COBL: variants seen among roughly 807,000 people sequenced by gnomAD.
COBL encodes the protein cordon-bleu WH2 repeat protein, also known as protein cordon-bleu.
Under a neutral mutation model 98.8 loss-of-function variants are expected in COBL, and 51 were observed. That is an observed-to-expected ratio of 0.52 (90% CI 0.41 to 0.65). The LOEUF is 0.65. Among genes scored for constraint, COBL ranks in the 30% least tolerant of loss-of-function variants. COBL has a pLI of 0.00. For synonymous variants in COBL, 634 were observed against 651.7 expected (o/e 0.97, Z 0.41); for missense variants, 1,617 against 1,617.5 (o/e 1.00, Z 0.01).
intron 7 of COBL, among the ~76,000 whole-genome samples, chr7:51,063,657 G>A (rs1311855466): frequency 1.3e-5 from 2 of 152,224 alleles, no homozygotes; most frequent in East Asian, 3.9e-4. Flanking sequence ...ACATGTGCCT[G>A]CAAGAAGCAG....
intron 6 of COBL, among the ~76,000 whole-genome samples, chr7:51,088,079 CA>C (rs549017809): frequency 1.1e-4 from 16 of 152,048 alleles, no homozygotes; most frequent in Non-Finnish European, 2.2e-4. Context: ...TCTGCAGGCT[CA>C]GGGGCTTCTG....
At chr7:51,282,573 A>G (rs1799904744) in intron 1 of COBL, among the ~76,000 whole-genome samples, 1 of 152,112 alleles carries the variant, frequency 6.6e-6, no homozygotes, top group South Asian at 2.1e-4. Context: ...TAGATACAAC[A>G]ACAATGAAAT....
intron 1 of COBL, among the ~76,000 whole-genome samples, chr7:51,277,189 A>C (rs1307523829): frequency 6.6e-6 from 1 of 152,204 alleles, no homozygotes; most frequent in Non-Finnish European, 1.5e-5. Flanking sequence ...ACACATGCGC[A>C]GGGACCCAAG....
At chr7:51,285,038 C>T (rs959959139) in intron 1 of COBL, among the ~76,000 whole-genome samples, 1 of 151,304 alleles carries the variant, frequency 6.6e-6, no homozygotes, top group Admixed American at 6.6e-5. Flanking sequence ...ACCTCTACCT[C>T]CTGGTTTTAA....
intron 1 of COBL, among the ~76,000 whole-genome samples, chr7:51,281,072 C>A (rs558949070): frequency 1.3e-5 from 2 of 151,652 alleles, no homozygotes; most frequent in Non-Finnish European, 2.9e-5. Flanking sequence ...AGGGCAAGAA[C>A]GCTTGAAATG....
At chr7:51,234,993 T>C (rs1795109560) in intron 1 of COBL, among the ~76,000 whole-genome samples, 1 of 152,006 alleles carries the variant, frequency 6.6e-6, no homozygotes, top group Non-Finnish European at 1.5e-5. Context: ...GCTATTCCAC[T>C]CCAAAAGTTC....
intron 1 of COBL, among the ~76,000 whole-genome samples, chr7:51,237,375 T>C (rs1795355483): frequency 1.3e-5 from 2 of 152,210 alleles, no homozygotes; most frequent in African/African-American, 2.4e-5. Context: ...TTTTGTTTCC[T>C]ATGTTGAAAA....
chr7:51,276,367 G>A (rs1261614208), intron 1 of COBL, among the ~76,000 whole-genome samples: 1 of 152,176 alleles, frequency 6.6e-6, no homozygotes, highest in Non-Finnish European at 1.5e-5. Flanking sequence ...TGGGAAAGGC[G>A]AATGGAACCT....
chr7:51,222,923 C>T (rs1793792107), intron 1 of COBL, among the ~76,000 whole-genome samples: 1 of 152,184 alleles, frequency 6.6e-6, no homozygotes, highest in Non-Finnish European at 1.5e-5. Context: ...CTGTCCCCAG[C>T]TACCCAGAGG....
At chr7:51,221,812 A>ACT (rs1793668646) in intron 1 of COBL, among the ~76,000 whole-genome samples, 1 of 152,244 alleles carries the variant, frequency 6.6e-6, no homozygotes, top group African/African-American at 2.4e-5. Flanking sequence ...AAACGACAGC[A>ACT]AAAGTGATTA....
At chr7:51,278,974 G>C (rs1347507739) in intron 1 of COBL, among the ~76,000 whole-genome samples, 1 of 152,226 alleles carries the variant, frequency 6.6e-6, no homozygotes, top group African/African-American at 2.4e-5. Context: ...AGGTGGCCGG[G>C]GAAATGCTTT....
intron 7 of COBL, among the ~76,000 whole-genome samples, chr7:51,070,498 G>A (rs1161092150): frequency 3.3e-5 from 5 of 151,580 alleles, no homozygotes; most frequent in Non-Finnish European, 5.9e-5. Flanking sequence ...ATCTGTAATT[G>A]GTTATGATGA....
intron 5 of COBL, 131 bp from the exon 6 acceptor site, chr7:51,136,462 T>A: frequency 1.0e-6 from 1 of 954,836 alleles, no homozygotes; most frequent in Non-Finnish European, 1.5e-6. Context: ...ACAGTCAGCT[T>A]GAATGGTCTG....
intron 6 of COBL, among the ~76,000 whole-genome samples, chr7:51,118,423 C>T (rs917625067): frequency 2.0e-5 from 3 of 151,954 alleles, no homozygotes; most frequent in Non-Finnish European, 4.4e-5. Context: ...CTGGCGGGTT[C>T]AAGACTGAGA....
At chr7:51,292,588 G>A (rs1801009429) in intron 1 of COBL, among the ~76,000 whole-genome samples, 1 of 152,230 alleles carries the variant, frequency 6.6e-6, no homozygotes, top group Non-Finnish European at 1.5e-5. Context: ...GCATTTCTAG[G>A]TAGCTGTTCT....
intron 7 of COBL, among the ~76,000 whole-genome samples, chr7:51,050,370 C>T (rs963299716): frequency 6.6e-6 from 1 of 152,184 alleles, no homozygotes; most frequent in East Asian, 1.9e-4. Flanking sequence ...GAGCTGTGTT[C>T]CAACTGCTGT....
intron 2 of COBL, among the ~76,000 whole-genome samples, chr7:51,215,553 C>T (rs1390219670): frequency 6.6e-6 from 1 of 152,198 alleles, no homozygotes; most frequent in Non-Finnish European, 1.5e-5. Flanking sequence ...GGCTCTGGCT[C>T]ACAGGAATTT....
rs1197514988 is a variant in COBL at position 51,203,386 on chromosome 7, C to T, written c.246-9797G>A. Among the ~76,000 whole-genome samples the T allele has an allele frequency of 1.2e-4, 13 of 106,164 alleles. 1 individual carries two copies. The highest frequency in any genetic ancestry group is 4.1e-4 in the South Asian group (1 of 2,426). The allele number at this position is 106,164 out of a possible 152,430, so 69.6% of individuals were successfully genotyped here. ...CTGAGGCAGGAGAATGGCGTGAACC[C>T]GGGAGGCGGAGCTTGCAGTGAGCCG... On this transcript the variant is annotated intron_variant, in intron 2 of 12. Transcript: ENST00000265136.
chr7:51,186,315 G>C (rs1021727415), intron 4 of COBL, among the ~76,000 whole-genome samples: 14 of 152,176 alleles, frequency 9.2e-5, no homozygotes, highest in Admixed American at 4.6e-4. Context: ...AAGTCCAGGA[G>C]CATATTGAAT....
Sources: allele counts gnomAD v4.1 joint callset (sites outside exome capture counted in the v4.1 genomes callset), GRCh38; gene constraint gnomAD v4.1.1; transcripts MANE v1.5; gene names NCBI Gene and HGNC (gene_info 2026-07-23, HGNC 2026-07-21).